Variants in C8orf34 observed in about 807,000 individuals in gnomAD.
C8orf34 encodes uncharacterized protein C8orf34.
In C8orf34, 65 loss-of-function variants were observed where a neutral mutation model predicts 68.3. That is an observed-to-expected ratio of 0.95 (90% CI 0.78 to 1.17). The LOEUF (loss-of-function observed/expected upper bound fraction) is 1.17, where lower values mean the gene tolerates loss of function less well. Ranked by LOEUF, C8orf34 falls within the 50% of genes most tolerant of loss-of-function variation. The pLI, the probability that C8orf34 is intolerant of heterozygous loss-of-function variation, is 0.00. For missense variants in C8orf34, 664 were observed against 655.4 expected (o/e 1.01, Z -0.14); for synonymous variants, 244 against 241.2 (o/e 1.01, Z -0.11).
intron 1 of C8orf34, among the ~76,000 whole-genome samples, chr8:68,365,194 A>C (rs2129619531): frequency 7.8e-6 from 1 of 128,380 alleles, no homozygotes; most frequent in Non-Finnish European, 1.6e-5. Context: ...AGACTAAACC[A>C]GGAAGAAGTT....
At chr8:68,735,116 T>G (rs1822087213) in intron 10 of C8orf34, among the ~76,000 whole-genome samples, 1 of 152,216 alleles carries the variant, frequency 6.6e-6, no homozygotes, top group Admixed American at 6.5e-5. Flanking sequence ...TAGGTATGAT[T>G]GGAACCTATC....
chr8:68,795,841 A>T (rs928442542), intron 12 of C8orf34, among the ~76,000 whole-genome samples: 1 of 152,216 alleles, frequency 6.6e-6, no homozygotes, highest in Admixed American at 6.5e-5. Flanking sequence ...TGTTTAGCCC[A>T]GCTGGTATCA....
intron 12 of C8orf34, among the ~76,000 whole-genome samples, chr8:68,799,412 A>G (rs188577531): frequency 6.6e-6 from 1 of 152,278 alleles, no homozygotes; most frequent in East Asian, 1.9e-4. Flanking sequence ...GTTTTTCTCT[A>G]TGGATTGTTT....
At chr8:68,779,306 T>G (rs1011142817) in intron 11 of C8orf34, among the ~76,000 whole-genome samples, 1 of 151,716 alleles carries the variant, frequency 6.6e-6, no homozygotes, top group Admixed American at 6.6e-5. Flanking sequence ...ATGTAGTAAT[T>G]TAAGTATATA....
intron 3 of C8orf34, among the ~76,000 whole-genome samples, chr8:68,467,481 C>A (rs1812198700): frequency 6.6e-6 from 1 of 151,702 alleles, no homozygotes; most frequent in Admixed American, 6.6e-5. Flanking sequence ...CTTCTGTAGC[C>A]CTCTGTCCTC....
chr8:68,468,621 C>T (rs993670761), intron 3 of C8orf34, 71 bp from the exon 4 acceptor site: 79 of 1,465,054 alleles, frequency 5.4e-5, no homozygotes, highest in African/African-American at 9.9e-5. Flanking sequence ...CAGTCTTTCA[C>T]GTGATGATGA....
At chr8:68,553,402 A>C (rs1288513052) in intron 7 of C8orf34, among the ~76,000 whole-genome samples, 3 of 151,356 alleles carry the variant, frequency 2.0e-5, no homozygotes, top group Non-Finnish European at 4.4e-5. Flanking sequence ...AAAAAAAAAA[A>C]AAAAAAAACA....
At chr8:68,705,257 C>T (rs532648896) in intron 8 of C8orf34, among the ~76,000 whole-genome samples, 46 of 152,098 alleles carry the variant, frequency 3.0e-4, no homozygotes, top group African/African-American at 9.9e-4. Context: ...CCTATATGAA[C>T]TTAATAAAAC....
At chr8:68,760,458 T>C (rs976880442) in intron 10 of C8orf34, among the ~76,000 whole-genome samples, 1 of 152,120 alleles carries the variant, frequency 6.6e-6, no homozygotes, top group African/African-American at 2.4e-5. Context: ...CCAAATCCAA[T>C]TTGGAGCTTG....
intron 12 of C8orf34, among the ~76,000 whole-genome samples, chr8:68,808,720 T>C (rs1824557879): frequency 6.6e-6 from 1 of 152,120 alleles, no homozygotes; most frequent in African/African-American, 2.4e-5. Flanking sequence ...GCATTTTTTA[T>C]AAGGGACTGT....
intron 8 of C8orf34, among the ~76,000 whole-genome samples, chr8:68,661,311 G>A (rs1397783136): frequency 6.6e-6 from 1 of 152,132 alleles, no homozygotes; most frequent in Admixed American, 6.5e-5. Flanking sequence ...AGGAAGGCTC[G>A]GAAATGAAAA....
At chr8:68,587,425 T>C (rs1381659674) in intron 7 of C8orf34, among the ~76,000 whole-genome samples, 1 of 152,112 alleles carries the variant, frequency 6.6e-6, no homozygotes, top group African/African-American at 2.4e-5. Flanking sequence ...TCTGTGTTGG[T>C]TAATAGATTT....
chr8:68,494,637 T>A (rs1000671274), intron 5 of C8orf34, among the ~76,000 whole-genome samples: 2 of 152,010 alleles, frequency 1.3e-5, no homozygotes, highest in African/African-American at 4.8e-5. Flanking sequence ...GGTGGATCAC[T>A]TGAGGTCAGG....
intron 12 of C8orf34, among the ~76,000 whole-genome samples, chr8:68,795,527 C>A (rs1472318379): frequency 6.6e-6 from 1 of 152,190 alleles, no homozygotes; most frequent in Non-Finnish European, 1.5e-5. Flanking sequence ...CTTTATCTAG[C>A]AACTTCTGTG....
At chr8:68,453,417 C>T (rs1811425299) in intron 3 of C8orf34, among the ~76,000 whole-genome samples, 1 of 151,946 alleles carries the variant, frequency 6.6e-6, no homozygotes, top group Admixed American at 6.6e-5. Context: ...CATGTAATGT[C>T]TTCATTTATT....
rs1563673945 is a variant in C8orf34, at chr8:68,794,493, ATATATATATATATT to A, written c.1549+6959_1549+6972del. On this transcript the variant is annotated intron_variant, in intron 12 of 13. Transcript: ENST00000518698. ...AGTATATAAATATAAATATATATAT[ATATATATATATATT>A]TTTTTTTTTTTTTTTTAGACAGGCT... 2.1e-4 allele frequency among the ~76,000 whole-genome samples: 20 copies of A among 95,262 alleles called. No individual in the cohort carries two copies. The East Asian group carries it at 2.9e-3, about 14-fold the overall frequency. 62.5% of individuals were successfully genotyped at this position (95,262 alleles called of 152,430 possible). A position where few individuals can be genotyped will look rare whatever the true frequency, so the allele number is the denominator to read the frequency against.
intron 11 of C8orf34, among the ~76,000 whole-genome samples, chr8:68,787,176 AT>A: frequency 6.6e-6 from 1 of 152,220 alleles, no homozygotes; most frequent in East Asian, 1.9e-4. Context: ...CAACATTTCC[AT>A]AAAAATATTA....
intron 3 of C8orf34, among the ~76,000 whole-genome samples, chr8:68,465,265 C>T (rs1371990466): frequency 6.6e-6 from 1 of 151,506 alleles, no homozygotes; most frequent in East Asian, 1.9e-4. Context: ...CATCTCACAC[C>T]AGTTAGAATG....
intron 3 of C8orf34, among the ~76,000 whole-genome samples, chr8:68,457,723 G>A (rs1202696665): frequency 6.6e-6 from 1 of 152,036 alleles, no homozygotes; most frequent in African/African-American, 2.4e-5. Context: ...GGTGCTGTGG[G>A]TACCTTGCAC....
Sources: gnomAD v4.1 joint callset for allele counts (sites outside exome capture counted in the v4.1 genomes callset) on GRCh38, gnomAD v4.1.1 for gene constraint, MANE v1.5 for transcripts, NCBI Gene and HGNC (gene_info 2026-07-23, HGNC 2026-07-21) for gene names.